ERCC3: variants seen among roughly 807,000 people sequenced by gnomAD.
The protein encoded by ERCC3 is general transcription and DNA repair factor IIH helicase/translocase subunit XPB.
ERCC3 carries 66 observed loss-of-function variants against 94.2 expected under a neutral mutation model. The ratio of observed to expected loss-of-function variants is 0.70; its 90% confidence interval spans 0.57 to 0.86. ERCC3 has a LOEUF of 0.86. Among genes scored for constraint, ERCC3 ranks in the 40% least tolerant of loss-of-function variants. ERCC3 has a pLI of 0.00. For missense variants in ERCC3, 829 were observed against 987.1 expected, an observed-to-expected ratio of 0.84 and a Z score of 2.15; for synonymous variants, 349 against 369.1, an observed-to-expected ratio of 0.95 and a Z score of 0.63.
Position 127,257,683 on chromosome 2 carries a change from G to A in ERCC3, c.2262C>T (p.Asp754=), listed in dbSNP as rs757973587. 6 of 1,614,148 alleles carry A rather than the reference G, an allele frequency of 3.7e-6. No individual in the cohort carries two copies. Among genetic ancestry groups the A allele is most frequent in the East Asian group, 2.2e-5 (1 of 44,880 alleles). Residue 754 remains aspartate, a synonymous_variant, in exon 15 of 15, where the codon GAC becomes GAT. Coordinates refer to ENST00000285398, the MANE Select transcript of ERCC3 (RefSeq NM_000122.2). The surrounding 1 kb of genome is among the most constrained non-coding windows in gnomAD (Gnocchi z 5.4). ...FGTMSSMSGA[D]DTVYMEYHSS... ...AGTGGTACTCCATGTACACAGTGTC[G>A]TCGGCCCCAGACATAGAACTCATGG... is the stretch of plus-strand genomic sequence containing the variant.
intron 3 of ERCC3, chr2:127,292,237 G>A (rs955238222): frequency 1.9e-5 from 7 of 361,616 alleles, no homozygotes; most frequent in South Asian, 1.0e-4. Flanking sequence ...AAAATTTGAG[G>A]GGAACACACA....
At chr2:127,262,139 T>C (rs4150509) in intron 12 of ERCC3, 5,329 of 152,440 alleles carry the variant, frequency 0.035, 175 homozygotes, top group Non-Finnish European at 0.051. Flanking sequence ...TCGAATATTA[T>C]TTAGCAATAA....
intron 12 of ERCC3, among the ~76,000 whole-genome samples, chr2:127,267,950 T>C (rs185107485): frequency 6.6e-5 from 10 of 152,260 alleles, no homozygotes; most frequent in Middle Eastern, 3.4e-3. Flanking sequence ...TATGGTTTTT[T>C]GGTTTTTGTT....
chr2:127,281,541 G>A (rs1684911093), intron 8 of ERCC3, among the ~76,000 whole-genome samples: 1 of 152,054 alleles, frequency 6.6e-6, no homozygotes, highest in Non-Finnish European at 1.5e-5. Context: ...TCTGAAGCAA[G>A]GTTAAAATGT....
At chr2:127,288,017 G>T (rs1032454652) in intron 7 of ERCC3, among the ~76,000 whole-genome samples, 3 of 152,118 alleles carry the variant, frequency 2.0e-5, no homozygotes, top group Non-Finnish European at 4.4e-5. Flanking sequence ...AATAACCCTT[G>T]GAGTTTTGGA....
intron 10 of ERCC3, among the ~76,000 whole-genome samples, chr2:127,276,498 T>TA (rs1319366560): frequency 6.6e-6 from 1 of 151,942 alleles, no homozygotes; most frequent in Non-Finnish European, 1.5e-5. Flanking sequence ...GAAGACACTC[T>TA]ATTCACAAAC....
chr2:127,293,752 G>A (rs1020581070), intron 1 of ERCC3, 34 bp from the exon 2 acceptor site: 1 of 1,606,124 alleles, frequency 6.2e-7, no homozygotes, highest in South Asian at 1.1e-5. Flanking sequence ...AAGCCCAGCA[G>A]GAGCCTTCAG....
rs1685386617 is a variant in ERCC3 at position 127,294,144 on chromosome 2, T to C, written c.-63A>G. On this transcript the variant is annotated 5_prime_UTR_variant, in exon 1 of 15. Transcript: ENST00000285398. ...CACAGGCCCGCCGCGGCATCCGCTCTGGGGGGACTTCCGGCTCAATCCGGA... is the reference window on the plus strand; with the variant it reads ...CACAGGCCCGCCGCGGCATCCGCTCCGGGGGGACTTCCGGCTCAATCCGGA... The C allele has an allele frequency of 6.3e-7, 1 of 1,576,414 alleles. No homozygotes were observed. Among genetic ancestry groups the C allele is most frequent in the Non-Finnish European group, 8.6e-7 (1 of 1,161,464 alleles).
chr2:127,281,756 C>G (rs1223027087), intron 8 of ERCC3, among the ~76,000 whole-genome samples: 1 of 151,966 alleles, frequency 6.6e-6, no homozygotes, highest in African/African-American at 2.4e-5. Context: ...CACATGCAAA[C>G]ACACACACAC....
At position 127,271,461 on chromosome 2, in the gene ERCC3, A is replaced by C. The variant is rs748785048; in HGVS notation, c.1828-8T>G. The C allele has an allele frequency of 5.7e-6, 9 of 1,592,778 alleles. No individual in the cohort carries two copies. In the South Asian group the frequency reaches 8.8e-5, roughly 16 times the overall value. On this transcript the variant is annotated splice_polypyrimidine_tract_variant and splice_region_variant and intron_variant, in intron 11 of 14. Coordinates refer to ENST00000285398, the MANE Select transcript of ERCC3 (RefSeq NM_000122.2). The surrounding 1 kb of genome is among the most constrained non-coding windows in gnomAD (Gnocchi z 5.0). The stretch of plus-strand genomic sequence containing the variant: ...AAACGAAGTGTCACCTACCTACAGA[A>C]ACAAGTTGGAAGGTTTTTATATATG...
chr2:127,294,011 G>A lies in ERCC3; in HGVS notation c.28+43C>T, dbSNP rs760713821. 2.3e-5 allele frequency: 36 copies of A among 1,599,036 alleles called. No homozygotes were observed. The South Asian group carries it at 2.4e-4, about 11-fold the overall frequency. On this transcript the variant is annotated intron_variant, in intron 1 of 14. Transcript: ENST00000285398. ...CCGAGGCAGAGCGGGGGGCAGGGCC[G>A]GCAAGGGCAGTCGTGGCTGAGCGTG...
chr2:127,263,354 T>C (rs901221012), intron 12 of ERCC3, among the ~76,000 whole-genome samples: 3 of 152,236 alleles, frequency 2.0e-5, no homozygotes, highest in Non-Finnish European at 2.9e-5. Context: ...TCTGTAGTTA[T>C]TCCTAGGTTT....
intron 1 of ERCC3, 24 bp downstream of exon 1, chr2:127,294,030 G>A (rs750454089): frequency 3.1e-6 from 5 of 1,603,430 alleles, no homozygotes; most frequent in Admixed American, 1.7e-5. Flanking sequence ...AGTCGTGGCT[G>A]AGCGTGCCCG....
rs967680376 is a variant in ERCC3, at chr2:127,277,285, G to T, written c.1730+1888C>A. Among the ~76,000 whole-genome samples, 2 of 152,120 alleles carry T rather than the reference G, an allele frequency of 1.3e-5. No individual in the cohort carries two copies. The highest frequency in any genetic ancestry group is 2.9e-5 in the Non-Finnish European group (2 of 68,030). ...CTGAGAAATTACCTGACCCTACTGA[G>T]TTTATGGTTATGTGAAGACTTTGGA... On this transcript the variant is annotated intron_variant, in intron 10 of 14. Transcript: ENST00000285398. This position sits in a 1 kb window ranked among gnomAD's most constrained non-coding sequence, Gnocchi z 5.1.
At chr2:127,273,092 A>G (rs1684614859) in intron 10 of ERCC3, 131 bp from the exon 11 acceptor site, 5 of 647,596 alleles carry the variant, frequency 7.7e-6, no homozygotes, top group Middle Eastern at 3.4e-4. Flanking sequence ...GAATATCGTT[A>G]CACCCAAAAA....
At chr2:127,281,649 C>T (rs974437470) in intron 8 of ERCC3, among the ~76,000 whole-genome samples, 1 of 152,048 alleles carries the variant, frequency 6.6e-6, no homozygotes, top group African/African-American at 2.4e-5. Flanking sequence ...GGCCTGAATG[C>T]ACCAAAACAC....
At chr2:127,273,863 CCT>C (rs1684649034) in intron 10 of ERCC3, among the ~76,000 whole-genome samples, 1 of 151,994 alleles carries the variant, frequency 6.6e-6, no homozygotes. Flanking sequence ...ACACTCCTTC[CCT>C]CTGTCTTGGA....
Position 127,280,401 on chromosome 2 carries a change from T to C in ERCC3, c.1527+46A>G, listed in dbSNP as rs762580600. 17 of 1,549,876 alleles carry C rather than the reference T, an allele frequency of 1.1e-5. No homozygotes were observed. In the East Asian group the frequency reaches 1.4e-4, roughly 13 times the overall value. Reference sequence around the variant, plus strand: ...ATCGATCTGATCACTCCCCTGCCCATAGGAGGAGGCCCTTTCCCAGACGCC... The same window carrying C: ...ATCGATCTGATCACTCCCCTGCCCACAGGAGGAGGCCCTTTCCCAGACGCC... On this transcript the variant is annotated intron_variant, in intron 9 of 14. Transcript: ENST00000285398. The surrounding 1 kb of genome is among the most constrained non-coding windows in gnomAD (Gnocchi z 6.3).
rs766435259 is a variant in ERCC3 at position 127,294,112 on chromosome 2, C to A, written c.-31G>T. ...CTACAGCAGCAGAGAGAAGATGACC[C>A]CGCTCCCACAGGCCCGCCGCGGCAT... On this transcript the variant is annotated 5_prime_UTR_variant, in exon 1 of 15. Transcript: ENST00000285398. The A allele has an allele frequency of 6.2e-7, 1 of 1,603,758 alleles. No homozygotes were observed. The highest frequency in any genetic ancestry group is 1.3e-5 in the African/African-American group (1 of 74,854).
Sources: allele counts gnomAD v4.1 joint callset (sites outside exome capture counted in the v4.1 genomes callset), GRCh38; gene constraint gnomAD v4.1.1; non-coding constraint Gnocchi (gnomAD v3.1); transcripts MANE v1.5; gene names NCBI Gene and HGNC (gene_info 2026-07-23, HGNC 2026-07-21).